Variants in DAGLB observed in about 807,000 individuals in gnomAD.
The protein encoded by DAGLB is diacylglycerol lipase beta.
Under a neutral mutation model 72.1 loss-of-function variants are expected in DAGLB, and 66 were observed. The ratio of observed to expected loss-of-function variants is 0.92; its 90% CI spans 0.75 to 1.12. The LOEUF is 1.12. Among genes scored for constraint, DAGLB ranks in the 50% most tolerant of loss-of-function variants. The pLI, the probability that DAGLB is intolerant of heterozygous loss-of-function variation, is 0.00. For synonymous variants in DAGLB, 414 were observed against 359.5 expected (o/e 1.15, Z -1.71); for missense variants, 1,065 against 884.9 (o/e 1.20, Z -2.58).
intron 6 of DAGLB, among the ~76,000 whole-genome samples, 193 bp downstream of exon 6, chr7:6,430,287 G>T (rs1014155860): frequency 7.8e-5 from 7 of 90,206 alleles, no homozygotes; most frequent in Non-Finnish European, 1.4e-4. Context: ...ATATATGCAG[G>T]GGGGAGGGAG....
In DAGLB at chr7:6,410,163, A is replaced by T; in HGVS notation, c.1787T>A (p.Ile596Asn). 1 of 1,580,816 alleles carries T rather than the reference A, an allele frequency of 6.3e-7. No homozygotes were observed. The highest frequency in any genetic ancestry group is 8.6e-7 in the Non-Finnish European group (1 of 1,160,490). The stretch of plus-strand genomic sequence containing the variant: ...GGCGCCCTCCTCCTGCAGGTGGATG[A>T]TCCTGCCGGGAGGGTAGAGAGGGGG... ...KYPPLYPPGR[I>N]IHLQEEGASG... The change falls in exon 14 of 15, where the codon ATC becomes AAC. Residue 596 changes from isoleucine (I) to asparagine (N), a missense_variant. Physicochemically the swap from Ile to Asn is moderately radical, Grantham distance 149. Transcript: ENST00000297056.
intron 2 of DAGLB, among the ~76,000 whole-genome samples, chr7:6,440,800 C>T (rs906983257): frequency 1.3e-5 from 2 of 151,932 alleles, no homozygotes; most frequent in African/African-American, 4.8e-5. Context: ...ACCTGGGAGG[C>T]GGAGGTTGCA....
intron 9 of DAGLB, among the ~76,000 whole-genome samples, chr7:6,419,325 T>TGCCC (rs1313047912): frequency 2.0e-5 from 3 of 152,118 alleles, no homozygotes; most frequent in African/African-American, 7.2e-5. Flanking sequence ...AATTACCAGA[T>TGCCC]GCCCTTTCTC....
chr7:6,410,354 C>T lies in DAGLB; in HGVS notation c.1596G>A (p.Trp532Ter). 1 of 1,613,380 alleles carries T rather than the reference C, an allele frequency of 6.2e-7. No individual in the cohort carries two copies. Among genetic ancestry groups the T allele is most frequent in the African/African-American group, 1.3e-5 (1 of 75,036 alleles). ...PKYKILLHGLWYELFGGNPNN... is the reference protein window; with the variant it reads ...PKYKILLHGL ...TGGGGTTTCCTCCAAACAGTTCGTA[C>T]CACAAACCGTGCAGCAAGATCTTGT... The change falls in exon 14 of 15, where the codon TGG becomes TGA. Residue 532 changes from tryptophan to a stop codon, truncating the protein, a stop_gained. Coordinates refer to ENST00000297056, the MANE Select transcript of DAGLB (RefSeq NM_139179.4). LOFTEE classifies it high-confidence loss of function.
chr7:6,447,544 G>A (rs1785049379), intron 1 of DAGLB, among the ~76,000 whole-genome samples: 1 of 152,140 alleles, frequency 6.6e-6, no homozygotes, highest in Non-Finnish European at 1.5e-5. Context: ...ACACTCTGGG[G>A]GCTTCGGTTT....
intron 3 of DAGLB, 34 bp from the exon 4 acceptor site, chr7:6,435,054 T>C (rs1583297633): frequency 2.5e-6 from 4 of 1,605,520 alleles, no homozygotes; most frequent in Non-Finnish European, 1.7e-6. Context: ...GCTCGGTGAC[T>C]GCGGGCCCCA....
chr7:6,423,890 T>TG (rs888699188), intron 8 of DAGLB, among the ~76,000 whole-genome samples: 2 of 151,904 alleles, frequency 1.3e-5, no homozygotes, highest in South Asian at 2.1e-4. Flanking sequence ...AAATGGGCAA[T>TG]GGGGGGACGA....
At chr7:6,444,383 C>T (rs1784930931) in intron 2 of DAGLB, among the ~76,000 whole-genome samples, 1 of 152,170 alleles carries the variant, frequency 6.6e-6, no homozygotes. Flanking sequence ...GGGTGGATCA[C>T]GTGAGGTCAG....
rs1428661357 is a variant in DAGLB at position 6,410,209 on chromosome 7, G to C, written c.1741C>G (p.Leu581Val). ...PAYSFSSDSP[L>V]DSSPKYPPLY... ...GGGGGGTACTTGGGAGAAGAGTCCA[G>C]TGGGGAGTCGCTGGAGAAGCTGTAG... Residue 581 changes from leucine (L) to valine (V), a missense_variant, in exon 14 of 15, where the codon CTG becomes GTG. Coordinates refer to ENST00000297056, the MANE Select transcript of DAGLB (RefSeq NM_139179.4). The C allele has an allele frequency of 6.2e-7, 1 of 1,608,510 alleles. No individual in the cohort carries two copies. Among genetic ancestry groups the C allele is most frequent in the African/African-American group, 1.3e-5 (1 of 74,960 alleles).
At chr7:6,447,507 C>G (rs929903376) in intron 1 of DAGLB, among the ~76,000 whole-genome samples, 3 of 152,202 alleles carry the variant, frequency 2.0e-5, no homozygotes, top group Non-Finnish European at 4.4e-5. Context: ...TTCGAAACCC[C>G]CTGTTTGTCC....
intron 2 of DAGLB, among the ~76,000 whole-genome samples, chr7:6,443,212 A>G (rs911247316): frequency 6.7e-6 from 1 of 149,078 alleles, no homozygotes; most frequent in African/African-American, 2.5e-5. Flanking sequence ...AAAAACAAAA[A>G]AAACAAAACA....
chr7:6,443,835 G>A (rs1006977686), intron 2 of DAGLB, among the ~76,000 whole-genome samples: 2 of 152,138 alleles, frequency 1.3e-5, no homozygotes, highest in Non-Finnish European at 1.5e-5. Flanking sequence ...TTCTAAGAAT[G>A]CATTCCTTTA....
intron 9 of DAGLB, among the ~76,000 whole-genome samples, chr7:6,418,554 G>C (rs1459204327): frequency 6.6e-6 from 1 of 151,658 alleles, no homozygotes; most frequent in Admixed American, 6.6e-5. Flanking sequence ...GAGAAAAGCG[G>C]GCCTGGCCCC....
At chr7:6,421,915 C>A in intron 8 of DAGLB, 111 bp from the exon 9 acceptor site, 1 of 1,206,558 alleles carries the variant, frequency 8.3e-7, no homozygotes, top group Non-Finnish European at 1.2e-6. Context: ...GGGATGGCAC[C>A]ATCTCCTAGT....
chr7:6,431,734 T>A (rs1006583284), intron 5 of DAGLB, among the ~76,000 whole-genome samples: 3 of 151,860 alleles, frequency 2.0e-5, no homozygotes, highest in Non-Finnish European at 4.4e-5. Flanking sequence ...ATCATGCCAT[T>A]GCACTCCAGC....
At chr7:6,418,258 CT>C in intron 9 of DAGLB, among the ~76,000 whole-genome samples, 1 of 151,684 alleles carries the variant, frequency 6.6e-6, no homozygotes, top group East Asian at 2.0e-4. Context: ...AATTCCAACA[CT>C]TTGGGAGGCT....
In DAGLB at chr7:6,447,732, T is replaced by C; in HGVS notation, c.95+16A>G. 1.2e-6 allele frequency: 2 copies of C among 1,608,734 alleles called. No individual in the cohort carries two copies. Among genetic ancestry groups the C allele is most frequent in the Non-Finnish European group, 1.7e-6 (2 of 1,177,892 alleles). ...TCTCCGGTGGGCTCCACCGCCCCCG[T>C]AGCCGCCGTCCTTACCACAGCACTC... On this transcript the variant is annotated intron_variant, in intron 1 of 14. Transcript: ENST00000297056.
At chr7:6,437,908 C>T (rs2115288301) in intron 2 of DAGLB, among the ~76,000 whole-genome samples, 1 of 152,274 alleles carries the variant, frequency 6.6e-6, no homozygotes, top group South Asian at 2.1e-4. Context: ...TCGCAAAGTG[C>T]TGGGATTACA....
At chr7:6,425,845 C>T (rs576213796) in intron 7 of DAGLB, 143 bp downstream of exon 7, 3 of 1,362,638 alleles carry the variant, frequency 2.2e-6, no homozygotes, top group Admixed American at 5.0e-5. Flanking sequence ...GAGTCTGTGG[C>T]CCCTCTGAAA....
Sources: allele counts gnomAD v4.1 joint callset (sites outside exome capture counted in the v4.1 genomes callset), GRCh38; gene constraint gnomAD v4.1.1; transcripts MANE v1.5; gene names NCBI Gene and HGNC (gene_info 2026-07-23, HGNC 2026-07-21).